The following CADM2 variants were observed in gnomAD, a reference collection of about 807,000 sequenced individuals.
CADM2 encodes the protein immunoglobulin superfamily member 4D.
In CADM2, 12 loss-of-function variants were observed where a neutral mutation model predicts 49.8. The observed-to-expected ratio is 0.24, with a 90% CI of 0.15 to 0.39. The LOEUF is 0.39. CADM2 is among the 10% of genes least tolerant of loss of function. The pLI is 1.00. For synonymous variants in CADM2, 214 were observed against 175.4 expected, an observed-to-expected ratio of 1.22 and a Z score of -1.74; for missense variants, 378 against 492.3, an observed-to-expected ratio of 0.77 and a Z score of 2.20.
Position 85,647,824 on chromosome 3 carries a change from T to C in CADM2, c.62-78698T>C, listed in dbSNP as rs531929539. On this transcript the variant is annotated intron_variant, in intron 1 of 9. Transcript: ENST00000383699. The stretch of plus-strand genomic sequence containing the variant: ...ATCCATTCACTAATTTCATATCAAC[T>C]ATGATTCATATTTCTCTAGACAACA... Among the ~76,000 whole-genome samples the C allele has an allele frequency of 2.6e-5, 4 of 151,908 alleles. No homozygotes were observed. The South Asian group carries it at 8.3e-4, about 31-fold the overall frequency.
intron 1 of CADM2, among the ~76,000 whole-genome samples, chr3:85,099,851 A>G (rs934948113): frequency 7.2e-5 from 11 of 152,204 alleles, no homozygotes; most frequent in African/African-American, 2.7e-4. Context: ...AAATAACAGC[A>G]TAGGTTTAGT....
chr3:85,418,659 A>G (rs561161942), intron 1 of CADM2, among the ~76,000 whole-genome samples: 162 of 152,240 alleles, frequency 1.1e-3, no homozygotes, highest in Non-Finnish European at 2.0e-3. Flanking sequence ...AATTGTTAAA[A>G]TCTCCAAAAA....
At chr3:86,065,759 T>C in intron 9 of CADM2, 29 bp downstream of exon 9, 1 of 1,608,672 alleles carries the variant, frequency 6.2e-7, no homozygotes, top group Non-Finnish European at 8.5e-7. Flanking sequence ...GAGTACACAA[T>C]GTGGGCAAAA....
intron 1 of CADM2, among the ~76,000 whole-genome samples, chr3:85,564,213 G>A (rs1236435964): frequency 6.7e-6 from 1 of 150,284 alleles, no homozygotes; most frequent in African/African-American, 2.5e-5. Context: ...TTTAAAAATT[G>A]TGATAAAATA....
At chr3:85,726,193 T>C (rs1453363701) in intron 1 of CADM2, among the ~76,000 whole-genome samples, 1 of 151,976 alleles carries the variant, frequency 6.6e-6, no homozygotes, top group Non-Finnish European at 1.5e-5. Context: ...ATTTAAACTA[T>C]ATATAATTTT....
At chr3:86,064,110 G>T (rs1029087492) in intron 8 of CADM2, among the ~76,000 whole-genome samples, 1 of 151,524 alleles carries the variant, frequency 6.6e-6, no homozygotes, top group African/African-American at 2.4e-5. Context: ...CAATGTGCAG[G>T]TTTGTTCCAT....
At chr3:85,978,728 T>C (rs1282971711) in intron 8 of CADM2, among the ~76,000 whole-genome samples, 2 of 151,774 alleles carry the variant, frequency 1.3e-5, no homozygotes, top group East Asian at 3.9e-4. Context: ...TTAACATGCA[T>C]TTACACATTG....
chr3:85,080,099 G>A (rs2037106986), intron 1 of CADM2, among the ~76,000 whole-genome samples: 1 of 151,922 alleles, frequency 6.6e-6, no homozygotes, highest in Non-Finnish European at 1.5e-5. Context: ...TCTCAGAAGG[G>A]ATTTTAAATT....
At chr3:85,141,368 C>G (rs1044499735) in intron 1 of CADM2, among the ~76,000 whole-genome samples, 3 of 152,120 alleles carry the variant, frequency 2.0e-5, no homozygotes, top group African/African-American at 7.2e-5. Context: ...AAATACTTAA[C>G]ACATGTAAAG....
chr3:85,046,616 A>G (rs1007521811), intron 1 of CADM2, among the ~76,000 whole-genome samples: 5 of 152,014 alleles, frequency 3.3e-5, no homozygotes, highest in African/African-American at 1.2e-4. Flanking sequence ...TAATTTTAGG[A>G]TAACATCTTA....
chr3:85,412,093 G>A (rs1421522873), intron 1 of CADM2, among the ~76,000 whole-genome samples: 2 of 152,110 alleles, frequency 1.3e-5, no homozygotes, highest in Non-Finnish European at 2.9e-5. Flanking sequence ...GCGGACCAAA[G>A]TTATGGGATT....
At chr3:85,585,214 C>G (rs988502549) in intron 1 of CADM2, among the ~76,000 whole-genome samples, 1 of 151,864 alleles carries the variant, frequency 6.6e-6, no homozygotes, top group African/African-American at 2.4e-5. Context: ...GTCTTGTTAT[C>G]AGATCAACTG....
At chr3:85,848,239 A>C (rs924145945) in intron 3 of CADM2, among the ~76,000 whole-genome samples, 1 of 152,148 alleles carries the variant, frequency 6.6e-6, no homozygotes, top group African/African-American at 2.4e-5. Context: ...GTATATTTTT[A>C]GTATATGCAC....
At chr3:85,658,352 C>G (rs1490030224) in intron 1 of CADM2, among the ~76,000 whole-genome samples, 1 of 151,670 alleles carries the variant, frequency 6.6e-6, no homozygotes, top group Non-Finnish European at 1.5e-5. Context: ...TCACTTCATT[C>G]AGAAGAAACT....
chr3:85,555,034 C>G (rs531078362), intron 1 of CADM2, among the ~76,000 whole-genome samples: 6 of 150,482 alleles, frequency 4.0e-5, no homozygotes, highest in African/African-American at 1.2e-4. Context: ...TCATTTCTAA[C>G]CACTGTATGA....
intron 3 of CADM2, among the ~76,000 whole-genome samples, chr3:85,853,159 A>G (rs2075171851): frequency 6.6e-6 from 1 of 151,796 alleles, no homozygotes. Context: ...AATTAAAACC[A>G]TAAGTAGAAG....
At chr3:85,357,508 A>T (rs1026435716) in intron 1 of CADM2, among the ~76,000 whole-genome samples, 5 of 152,104 alleles carry the variant, frequency 3.3e-5, no homozygotes, top group African/African-American at 1.2e-4. Flanking sequence ...AATATATAGT[A>T]TTCTATTTAA....
At chr3:85,211,149 T>C (rs894280785) in intron 1 of CADM2, among the ~76,000 whole-genome samples, 2 of 152,192 alleles carry the variant, frequency 1.3e-5, no homozygotes, top group Non-Finnish European at 2.9e-5. Flanking sequence ...CATTTTCATT[T>C]ATAATTCTAT....
chr3:85,737,926 A>G (rs1577197987), intron 2 of CADM2, among the ~76,000 whole-genome samples: 1 of 152,110 alleles, frequency 6.6e-6, no homozygotes, highest in East Asian at 1.9e-4. Context: ...GCAGAACAGG[A>G]TTTCAAAACG....
Sources: allele counts gnomAD v4.1 joint callset (sites outside exome capture counted in the v4.1 genomes callset), GRCh38; gene constraint gnomAD v4.1.1; transcripts MANE v1.5; gene names NCBI Gene and HGNC (gene_info 2026-07-23, HGNC 2026-07-21).